Variants in AK4 observed in about 807,000 individuals in gnomAD.
AK4 encodes the protein adenylate kinase 4.
Under a neutral mutation model 24.6 loss-of-function variants are expected in AK4, and 13 were observed. That is an observed-to-expected ratio of 0.53 (90% CI 0.34 to 0.84). The LOEUF is 0.84. Ranked by LOEUF, AK4 falls within the 40% of genes least tolerant of loss-of-function variation. AK4 has a pLI of 0.01. For missense variants in AK4, 192 were observed against 288.2 expected (o/e 0.67, Z 2.42); for synonymous variants, 88 against 107.0 (o/e 0.82, Z 1.10).
chr1:65,194,908 A>G (rs1241896905), intron 2 of AK4, among the ~76,000 whole-genome samples: 1 of 151,986 alleles, frequency 6.6e-6, no homozygotes, highest in Non-Finnish European at 1.5e-5. Context: ...GCCTCTACCC[A>G]TTACTTGGTT....
chr1:65,190,612 C>A, intron 1 of AK4, 98 bp from the exon 2 acceptor site: 2 of 1,384,886 alleles, frequency 1.4e-6, no homozygotes, highest in Non-Finnish European at 2.0e-6. Flanking sequence ...TTTCTTCCCA[C>A]ATCAGGAAGG....
chr1:65,187,347 CAAA>C (rs150840960), intron 1 of AK4, among the ~76,000 whole-genome samples: 2 of 66,898 alleles, frequency 3.0e-5, no homozygotes, highest in Admixed American at 1.7e-4. Flanking sequence ...GACTCCGTCT[CAAA>C]AAAAAAAAAA....
chr1:65,179,005 A>G (rs1362715011), intron 1 of AK4, among the ~76,000 whole-genome samples: 4 of 152,036 alleles, frequency 2.6e-5, no homozygotes, highest in Non-Finnish European at 5.9e-5. Context: ...GTGTTTTTGG[A>G]AGGTCTATCT....
intron 3 of AK4, among the ~76,000 whole-genome samples, chr1:65,223,276 G>T (rs1222441591): frequency 6.6e-6 from 1 of 151,826 alleles, no homozygotes; most frequent in Non-Finnish European, 1.5e-5. Context: ...TGCAACCTTT[G>T]CCCCTGGGTT....
intron 2 of AK4, among the ~76,000 whole-genome samples, chr1:65,196,923 G>A (rs2101050053): frequency 6.6e-6 from 1 of 152,318 alleles, no homozygotes; most frequent in East Asian, 1.9e-4. Context: ...CAGAAGGCAA[G>A]GAGGAGCAAA....
At chr1:65,154,702 G>A (rs1570059634) in intron 1 of AK4, 4 of 321,982 alleles carry the variant, frequency 1.2e-5, no homozygotes, top group Admixed American at 3.4e-5. Context: ...ACAAAACCAC[G>A]ATAGTTCTTT....
intron 1 of AK4, among the ~76,000 whole-genome samples, chr1:65,155,930 A>G (rs1570061736): frequency 6.6e-6 from 1 of 152,270 alleles, no homozygotes; most frequent in African/African-American, 2.4e-5. Context: ...TTGGCTTCCC[A>G]AAGTGCTGGG....
intron 1 of AK4, among the ~76,000 whole-genome samples, chr1:65,175,203 A>G (rs1014172864): frequency 6.6e-6 from 1 of 152,134 alleles, no homozygotes. Flanking sequence ...CGCTCAGTGG[A>G]CTGCTTGTCC....
In AK4 at chr1:65,230,392, ATTTGAC is replaced by A. The variant is rs1652605476; in HGVS notation, c.*4216_*4221del. 6.6e-6 allele frequency: 1 copy of A among 152,216 alleles called. No homozygotes were observed. Among genetic ancestry groups the A allele is most frequent in the Non-Finnish European group, 1.5e-5 (1 of 68,046 alleles). The allele number at this position is 152,216 out of a possible 1,614,324, so 9.4% of individuals were successfully genotyped here. A position where few individuals can be genotyped will look rare whatever the true frequency, so the allele number is the denominator to read the frequency against. On this transcript the variant is annotated 3_prime_UTR_variant, in exon 5 of 5. Coordinates refer to ENST00000327299, the MANE Select transcript of AK4 (RefSeq NM_013410.4). ...TAGTTCACCGGAACCTGAGTTCAGT[ATTTGAC>A]ATTAGCTTTTTGTCCAAAGAGTTGA...
At chr1:65,152,360 C>A (rs4916022) in intron 1 of AK4, among the ~76,000 whole-genome samples, 2,428 of 27,512 alleles carry the variant, frequency 0.088, 73 homozygotes, top group Non-Finnish European at 0.091. Context: ...CTCTCTCTCT[C>A]TATATATATA....
At chr1:65,204,111 T>C (rs1651743985) in intron 2 of AK4, among the ~76,000 whole-genome samples, 1 of 152,162 alleles carries the variant, frequency 6.6e-6, no homozygotes. Context: ...AAAAGCATCA[T>C]TCTAGATACC....
At chr1:65,156,909 G>A (rs1363421418) in intron 1 of AK4, among the ~76,000 whole-genome samples, 1 of 146,910 alleles carries the variant, frequency 6.8e-6, no homozygotes, top group Non-Finnish European at 1.5e-5. Flanking sequence ...CTGGACGACA[G>A]GGCGAGACTG....
chr1:65,201,216 C>T (rs1049129665), intron 2 of AK4, among the ~76,000 whole-genome samples: 8 of 152,300 alleles, frequency 5.3e-5, no homozygotes, highest in African/African-American at 1.9e-4. Flanking sequence ...CCCTTGCTGT[C>T]AATATGAGCT....
chr1:65,211,328 G>C (rs1456049386), intron 2 of AK4, among the ~76,000 whole-genome samples: 1 of 152,240 alleles, frequency 6.6e-6, no homozygotes, highest in African/African-American at 2.4e-5. Context: ...AATCTGGTCT[G>C]TGCGTGTAGC....
chr1:65,206,859 C>T (rs1651827997), intron 2 of AK4, among the ~76,000 whole-genome samples: 1 of 152,200 alleles, frequency 6.6e-6, no homozygotes, highest in Non-Finnish European at 1.5e-5. Context: ...ACAGCTCCTT[C>T]CTCAATGGAA....
intron 2 of AK4, among the ~76,000 whole-genome samples, chr1:65,205,557 A>AT (rs1195419717): frequency 2.6e-5 from 4 of 151,866 alleles, no homozygotes; most frequent in South Asian, 2.1e-4. Context: ...TTTCAAGGTG[A>AT]TTTTTTTTCA....
chr1:65,177,627 C>G (rs1030937737), intron 1 of AK4, among the ~76,000 whole-genome samples: 2 of 152,198 alleles, frequency 1.3e-5, no homozygotes, highest in Non-Finnish European at 1.5e-5. Flanking sequence ...TCTCAGAAAT[C>G]TTTCAGAGTT....
chr1:65,150,750 A>C (rs1292458044), intron 1 of AK4, among the ~76,000 whole-genome samples: 1 of 152,206 alleles, frequency 6.6e-6, no homozygotes, highest in African/African-American at 2.4e-5. Context: ...AAAACCCAGG[A>C]AATAGAACCG....
chr1:65,207,095 T>C (rs1439096225), intron 2 of AK4, among the ~76,000 whole-genome samples: 2 of 152,232 alleles, frequency 1.3e-5, no homozygotes, highest in Non-Finnish European at 2.9e-5. Context: ...ACACTTGTGG[T>C]TTAAAACCAA....
Sources: allele counts gnomAD v4.1 joint callset (sites outside exome capture counted in the v4.1 genomes callset), GRCh38; gene constraint gnomAD v4.1.1; transcripts MANE v1.5; gene names NCBI Gene and HGNC (gene_info 2026-07-23, HGNC 2026-07-21).